The following TBCK variants were observed in gnomAD, a reference collection of about 807,000 sequenced individuals.
TBCK encodes TBC domain-containing protein kinase-like protein.
TBCK carries 99 observed loss-of-function variants against 113.4 expected under a neutral mutation model. The observed-to-expected ratio is 0.87, with a 90% CI of 0.74 to 1.03. The LOEUF (loss-of-function observed/expected upper bound fraction) is 1.03, where lower values mean the gene tolerates loss of function less well. TBCK is among the 50% of genes least tolerant of loss of function. The probability of loss-of-function intolerance (pLI) is 0.00; values close to 1 mark genes in which losing one functional copy is unlikely to be tolerated. For missense variants in TBCK, 1,045 were observed against 1,061.3 expected, an observed-to-expected ratio of 0.98 and a Z score of 0.21; for synonymous variants, 369 against 370.8, an observed-to-expected ratio of 1.00 and a Z score of 0.05.
chr4:106,146,374 A>G (rs1004227485), intron 23 of TBCK, among the ~76,000 whole-genome samples: 7 of 152,174 alleles, frequency 4.6e-5, no homozygotes, highest in African/African-American at 1.4e-4. Flanking sequence ...ATGTTCTCTT[A>G]TAAGTGGGAG....
Position 106,262,111 on chromosome 4 carries a change from A to AGGATAT in TBCK, c.362_367dup (p.Ile122_Leu123insHisIle), listed in dbSNP as rs1477586006. On this transcript the variant is annotated inframe_insertion, in exon 4 of 26. Coordinates refer to ENST00000394708, the MANE Select transcript of TBCK (RefSeq NM_001163435.3). Reference sequence around the variant, plus strand: ...TTTAACAATTACCTTTCGGTCCAACAGGATATTATGAGGAGACAATGCCCT... The same window carrying AGGATAT: ...TTTAACAATTACCTTTCGGTCCAACAGGATATGGATATTATGAGGAGACAATGCCCT... 1 of 1,530,464 alleles carries AGGATAT rather than the reference A, an allele frequency of 6.5e-7. No homozygotes were observed. Among genetic ancestry groups the AGGATAT allele is most frequent in the East Asian group, 2.5e-5 (1 of 40,524 alleles). The allele number at this position is 1,530,464 out of a possible 1,614,324, so 94.8% of individuals were successfully genotyped here. A position where few individuals can be genotyped will look rare whatever the true frequency, so the allele number is the denominator to read the frequency against.
rs368072189 is a variant in TBCK at position 106,242,541 on chromosome 4, C to T, written c.1099G>A (p.Gly367Arg). ...NFLFEDGESF[G>R]QGRDRSSLLD... ...AGCGAGCTTCTATCTCGACCTTGTC[C>T]AAAGCTTTCACCATCCTCAAAGAGA... The change falls in exon 12 of 26, where the codon GGA (glycine) becomes AGA (arginine). Residue 367 changes from glycine (G) to arginine (R), a missense_variant. Transcript: ENST00000394708. 2.7e-5 allele frequency: 44 copies of T among 1,606,738 alleles called. No individual in the cohort carries two copies. The highest frequency in any genetic ancestry group is 3.1e-5 in the Non-Finnish European group (36 of 1,176,898).
intron 8 of TBCK, 70 bp downstream of exon 8, chr4:106,248,851 A>G: frequency 8.6e-6 from 11 of 1,284,578 alleles, no homozygotes; most frequent in Non-Finnish European, 1.2e-5. Context: ...TTTTGTCTTT[A>G]TAAGTTACCC....
chr4:106,309,446 G>A (rs1727173955), intron 1 of TBCK, among the ~76,000 whole-genome samples: 1 of 151,438 alleles, frequency 6.6e-6, no homozygotes, highest in African/African-American at 2.4e-5. Context: ...CCGAGTAGAG[G>A]CACCCACGAC....
intron 20 of TBCK, among the ~76,000 whole-genome samples, chr4:106,201,787 TC>T (rs1754912423): frequency 6.6e-6 from 1 of 152,056 alleles, no homozygotes; most frequent in African/African-American, 2.4e-5. Context: ...CTATTGATTT[TC>T]TTAATCCACA....
intron 19 of TBCK, among the ~76,000 whole-genome samples, chr4:106,223,425 G>A (rs937853155): frequency 3.9e-5 from 6 of 152,072 alleles, no homozygotes; most frequent in African/African-American, 1.4e-4. Context: ...TAGTTTGCCT[G>A]AGAGAGTCCC....
chr4:106,195,436 TGTTA>T (rs1460673586), intron 20 of TBCK, among the ~76,000 whole-genome samples: 1 of 151,718 alleles, frequency 6.6e-6, no homozygotes, highest in Non-Finnish European at 1.5e-5. Context: ...AAGATCCTTG[TGTTA>T]GTTAATTGAC....
At chr4:106,183,872 T>C (rs1027233467) in intron 22 of TBCK, among the ~76,000 whole-genome samples, 6 of 152,082 alleles carry the variant, frequency 3.9e-5, no homozygotes, top group African/African-American at 1.4e-4. Flanking sequence ...TTTTGCATTA[T>C]TTGTCCTTGT....
intron 23 of TBCK, among the ~76,000 whole-genome samples, chr4:106,120,756 C>T (rs952592003): frequency 2.0e-5 from 3 of 152,128 alleles, no homozygotes; most frequent in South Asian, 4.1e-4. Context: ...GCTGAGGGTC[C>T]TGTCTGTTAG....
At chr4:106,222,995 T>A (rs986340485) in intron 19 of TBCK, among the ~76,000 whole-genome samples, 13 of 152,148 alleles carry the variant, frequency 8.5e-5, no homozygotes, top group Non-Finnish European at 1.5e-4. Context: ...TGAGCCCACT[T>A]AATAGTTATC....
chr4:106,268,069 C>G (rs1243406637), intron 3 of TBCK, among the ~76,000 whole-genome samples: 3 of 151,994 alleles, frequency 2.0e-5, no homozygotes, highest in Non-Finnish European at 4.4e-5. Flanking sequence ...TTCCTCATTC[C>G]TGAGGACCCA....
intron 25 of TBCK, among the ~76,000 whole-genome samples, chr4:106,069,711 T>C (rs1345195248): frequency 2.6e-5 from 4 of 152,234 alleles, no homozygotes; most frequent in East Asian, 3.8e-4. Flanking sequence ...GGGGATGGCA[T>C]TGAATCTATA....
chr4:106,223,943 A>G (rs541344477), intron 19 of TBCK, among the ~76,000 whole-genome samples: 4 of 152,302 alleles, frequency 2.6e-5, no homozygotes, highest in African/African-American at 9.6e-5. Context: ...GAATAATTTT[A>G]ATAATCTTAG....
intron 3 of TBCK, among the ~76,000 whole-genome samples, chr4:106,266,321 T>C (rs1762991862): frequency 6.6e-6 from 1 of 151,854 alleles, no homozygotes; most frequent in African/African-American, 2.4e-5. Context: ...TCTCTTGTTC[T>C]TGTCTGTTTC....
chr4:106,110,992 TAAA>T (rs34101966), intron 24 of TBCK, among the ~76,000 whole-genome samples: 4 of 147,548 alleles, frequency 2.7e-5, no homozygotes, highest in African/African-American at 2.5e-5. Context: ...TATAAAGAGC[TAAA>T]AAAAAAAAAG....
At position 106,046,294 on chromosome 4, in the gene TBCK, A is replaced by G. The variant is rs781733074; in HGVS notation, c.*276T>C. On this transcript the variant is annotated 3_prime_UTR_variant, in exon 26 of 26. Transcript: ENST00000394708. ...TTGATAATGCTAAATCTGTCTTGTC[A>G]GCTGAATTTCTTGGGCTTTATGTGG... The G allele has an allele frequency of 6.3e-5, 18 of 284,232 alleles. No homozygotes were observed. The highest frequency in any genetic ancestry group is 1.2e-4 in the Non-Finnish European group (18 of 152,074). The allele number at this position is 284,232 out of a possible 1,614,324, so 17.6% of individuals were successfully genotyped here.
At chr4:106,159,034 GAAA>G (rs548487951) in intron 23 of TBCK, among the ~76,000 whole-genome samples, 2 of 113,504 alleles carry the variant, frequency 1.8e-5, no homozygotes, top group African/African-American at 6.5e-5. Flanking sequence ...AGAATGGAGA[GAAA>G]AAAAAAAAAC....
chr4:106,089,714 C>G lies in TBCK; in HGVS notation c.2571+5768G>C, dbSNP rs556816791. Among the ~76,000 whole-genome samples the G allele has an allele frequency of 2.0e-5, 3 of 152,338 alleles. No homozygotes were observed. In the East Asian group the frequency reaches 5.8e-4, roughly 29 times the overall value. ...GAAATTGGCCAAAAGAGAGGCAATA[C>G]GCCCACACAAGTCTGAAACTCAGCA... On this transcript the variant is annotated intron_variant, in intron 25 of 25. Coordinates refer to ENST00000394708, the MANE Select transcript of TBCK (RefSeq NM_001163435.3).
upstream of TBCK, chr4:106,316,529 C>T: frequency 1.3e-6 from 2 of 1,551,516 alleles, no homozygotes; most frequent in Admixed American, 2.0e-5. Flanking sequence ...TGCTATAGTA[C>T]GCGGGTGGCT....
Sources: gnomAD v4.1 joint callset for allele counts (sites outside exome capture counted in the v4.1 genomes callset) on GRCh38, gnomAD v4.1.1 for gene constraint, MANE v1.5 for transcripts, NCBI Gene and HGNC (gene_info 2026-07-23, HGNC 2026-07-21) for gene names.